The following TIMM21 variants were observed in gnomAD, a reference collection of about 807,000 sequenced individuals.
TIMM21 encodes translocase of inner mitochondrial membrane 21, also known as mitochondrial import inner membrane translocase subunit Tim21.
In TIMM21, 30 loss-of-function variants were observed where a neutral mutation model predicts 27.7. The observed-to-expected ratio is 1.08, with a 90% CI of 0.81 to 1.47. TIMM21 has a LOEUF of 1.47. TIMM21 is among the 40% of genes most tolerant of loss of function. TIMM21 has a pLI of 0.00. For missense variants in TIMM21, 292 were observed against 302.9 expected, an observed-to-expected ratio of 0.96 and a Z score of 0.27; for synonymous variants, 121 against 114.4, an observed-to-expected ratio of 1.06 and a Z score of -0.37.
rs1214552007 is a variant in TIMM21 at position 74,159,409 on chromosome 18, T to G, written c.*929T>G. 3 of 152,176 alleles carry G rather than the reference T, an allele frequency of 2.0e-5. No individual in the cohort carries two copies. The highest frequency in any genetic ancestry group is 7.2e-5 in the African/African-American group (3 of 41,442). The allele number at this position is 152,176 out of a possible 1,614,324, so 9.4% of individuals were successfully genotyped here. On this transcript the variant is annotated 3_prime_UTR_variant, in exon 6 of 6. Transcript: ENST00000169551. ...AGTGCTATGTGCATTGGGAGGGGTC[T>G]AGAACCATGTTTATCTGCGGTGGCT...
Position 74,148,896 on chromosome 18 carries a change from C to G in TIMM21, c.88C>G (p.Leu30Val). The change falls in exon 1 of 6, where the codon CTT becomes GTT. Residue 30 changes from leucine to valine, a missense_variant. Transcript: ENST00000169551. ...GCGATTGCTTTTGCCATACATCGTGCTTAACAAAGCGTGCTTGAAGACTGA... is the reference window on the plus strand; with the variant it reads ...GCGATTGCTTTTGCCATACATCGTGGTTAACAAAGCGTGCTTGAAGACTGA... ...AKRLLLPYIV[L>V]NKACLKTEPS... The G allele has an allele frequency of 1.9e-6, 3 of 1,614,186 alleles. No homozygotes were observed. The highest frequency in any genetic ancestry group is 1.7e-6 in the Non-Finnish European group (2 of 1,180,028).
chr18:74,154,007 G>A (rs1474026255), intron 1 of TIMM21, among the ~76,000 whole-genome samples: 4 of 152,180 alleles, frequency 2.6e-5, no homozygotes, highest in African/African-American at 9.7e-5. Context: ...TTAAGGTAGT[G>A]TAACTGTAAT....
At chr18:74,157,972 T>A in intron 3 of TIMM21, 42 bp from the exon 4 acceptor site, 4 of 1,597,472 alleles carry the variant, frequency 2.5e-6, no homozygotes, top group Non-Finnish European at 3.4e-6. Flanking sequence ...TTTAGAAGCT[T>A]AAAAAAATAA....
rs1349444189 is a variant in TIMM21 at position 74,158,198 on chromosome 18, GAA to G, written c.566_567del (p.Lys189ThrfsTer9). The G allele has an allele frequency of 1.2e-6, 2 of 1,614,034 alleles. No homozygotes were observed. Among genetic ancestry groups the G allele is most frequent in the African/African-American group, 2.7e-5 (2 of 74,918 alleles). ...RFTEYVKDGL[K>X]HTCVKFYIEG... ...TCACTGAATATGTAAAAGATGGGCT[GAA>G]ACACACGTGTGTGAAATTCTACATT... On this transcript the variant is annotated frameshift_variant, in exon 5 of 6. Transcript: ENST00000169551. LOFTEE classifies it high-confidence loss of function.
chr18:74,155,512 A>G (rs1979928392), intron 3 of TIMM21, 109 bp downstream of exon 3: 1 of 819,442 alleles, frequency 1.2e-6, no homozygotes, highest in African/African-American at 1.7e-5. Flanking sequence ...TGAAATTCAC[A>G]TAATAATACA....
At chr18:74,151,743 A>G (rs961586373) in intron 1 of TIMM21, among the ~76,000 whole-genome samples, 1 of 152,042 alleles carries the variant, frequency 6.6e-6, no homozygotes, top group Non-Finnish European at 1.5e-5. Context: ...CTGTTCTGTC[A>G]CTTTTACTTA....
intron 1 of TIMM21, among the ~76,000 whole-genome samples, chr18:74,150,095 G>A (rs760153262): frequency 2.0e-5 from 3 of 152,180 alleles, no homozygotes; most frequent in African/African-American, 7.2e-5. Flanking sequence ...GTAGCCCCAC[G>A]AGGTCGGCTC....
chr18:74,151,742 C>T (rs1302161638), intron 1 of TIMM21, among the ~76,000 whole-genome samples: 1 of 152,164 alleles, frequency 6.6e-6, no homozygotes, highest in African/African-American at 2.4e-5. Context: ...GCTGTTCTGT[C>T]ACTTTTACTT....
rs1555682319 is a variant in TIMM21, at chr18:74,151,945, C to CCCT, written c.301+2838_301+2839insTCC. ...AGCAGTGGTGTCTATGTTCCCCCCC[C>CCCT]CCCCGGGGGGACCTCCAGCTCCTTC... On this transcript the variant is annotated intron_variant, in intron 1 of 5. Coordinates refer to ENST00000169551, the MANE Select transcript of TIMM21 (RefSeq NM_014177.3). Among the ~76,000 whole-genome samples, 275 of 145,340 alleles carry CCCT rather than the reference C, an allele frequency of 1.9e-3. 23 individuals are homozygous for CCCT. Among genetic ancestry groups the CCCT allele is most frequent in the African/African-American group, 7.1e-3 (264 of 37,146 alleles).
chr18:74,156,319 C>T (rs552943190), intron 3 of TIMM21: 36 of 398,664 alleles, frequency 9.0e-5, no homozygotes, highest in South Asian at 6.4e-4. Context: ...CAATCCACAG[C>T]GTGCTCAGTA....
chr18:74,151,988 A>C (rs1599208248), intron 1 of TIMM21, among the ~76,000 whole-genome samples: 1 of 128,804 alleles, frequency 7.8e-6, no homozygotes, highest in African/African-American at 3.2e-5. Flanking sequence ...TGTTCTTCTC[A>C]CCCTTCTCAT....
chr18:74,158,730 T>C lies in TIMM21; in HGVS notation c.*250T>C, dbSNP rs961809276. The stretch of plus-strand genomic sequence containing the variant: ...TCTGCTTTAACACCATCTTTCATGA[T>C]TAGAAATGTTTGTTATTGGAAATGT... On this transcript the variant is annotated 3_prime_UTR_variant, in exon 6 of 6. Coordinates refer to ENST00000169551, the MANE Select transcript of TIMM21 (RefSeq NM_014177.3). The C allele has an allele frequency of 8.1e-6, 3 of 370,252 alleles. No individual in the cohort carries two copies. The highest frequency in any genetic ancestry group is 1.5e-5 in the Non-Finnish European group (3 of 204,388). The allele number at this position is 370,252 out of a possible 1,614,324, so 22.9% of individuals were successfully genotyped here.
At position 74,158,038 on chromosome 18, in the gene TIMM21, G is replaced by A. The variant is rs1193634055; in HGVS notation, c.487G>A (p.Val163Ile). The change falls in exon 4 of 6, where the codon GTT (valine) becomes ATT (isoleucine). Residue 163 changes from valine (V) to isoleucine (I), a missense_variant. Physicochemically the swap from Val to Ile is conservative, Grantham distance 29. Coordinates refer to ENST00000169551, the MANE Select transcript of TIMM21 (RefSeq NM_014177.3). The stretch of plus-strand genomic sequence containing the variant: ...GGTGATCGGTGTCTTTGGTGAGTCT[G>A]TTAAAGGCTATGGGGAGGTGACAAG... ...PEVIGVFGES[V>I]KGYGEVTRRG... The A allele has an allele frequency of 6.2e-7, 1 of 1,614,214 alleles. No individual in the cohort carries two copies. Among genetic ancestry groups the A allele is most frequent in the South Asian group, 1.1e-5 (1 of 91,082 alleles).
intron 3 of TIMM21, 109 bp downstream of exon 3, chr18:74,155,512 A>C: frequency 1.2e-6 from 1 of 819,560 alleles, no homozygotes; most frequent in South Asian, 1.8e-5. Flanking sequence ...TGAAATTCAC[A>C]TAATAATACA....
intron 3 of TIMM21, chr18:74,156,989 C>A (rs1979968509): frequency 6.6e-6 from 1 of 152,134 alleles, no homozygotes; most frequent in East Asian, 1.9e-4. Flanking sequence ...TATCATCTTA[C>A]ATATTACTTC....
intron 1 of TIMM21, among the ~76,000 whole-genome samples, chr18:74,151,942 C>CCCCCG (rs1979817346): frequency 6.9e-6 from 1 of 145,076 alleles, no homozygotes; most frequent in African/African-American, 2.8e-5. Context: ...TATGTTCCCC[C>CCCCCG]CCCCCCCGGG....
intron 1 of TIMM21, among the ~76,000 whole-genome samples, chr18:74,150,865 T>C (rs954116001): frequency 3.3e-5 from 5 of 152,208 alleles, no homozygotes; most frequent in African/African-American, 1.2e-4. Context: ...AGATGTGATA[T>C]CATTTTTAAT....
Position 74,148,547 on chromosome 18 carries a change from G to A in TIMM21, c.-262G>A. ...CAGGTGACTTTGCGAAGGCATGGCG[G>A]GGACACTGTGAATGTCAGCCCAGAA... On this transcript the variant is annotated 5_prime_UTR_variant, in exon 1 of 6. Transcript: ENST00000169551. 1 of 344,798 alleles carries A rather than the reference G, an allele frequency of 2.9e-6. No individual in the cohort carries two copies. Among genetic ancestry groups the A allele is most frequent in the Non-Finnish European group, 5.3e-6 (1 of 187,684 alleles). The allele number at this position is 344,798 out of a possible 1,614,324, so 21.4% of individuals were successfully genotyped here.
rs1727105093 is a variant in TIMM21 at position 74,152,598 on chromosome 18, G to C, written c.302-2547G>C. ...TGAGAGCTGCATCAGCTGCACTACA[G>C]CTCTATGACAGGTGCTGTCAGTACC... On this transcript the variant is annotated intron_variant, in intron 1 of 5. Transcript: ENST00000169551. The surrounding 1 kb of genome is among the most constrained non-coding windows in gnomAD (Gnocchi z 4.1). Among the ~76,000 whole-genome samples the C allele has an allele frequency of 6.6e-6, 1 of 152,182 alleles. No homozygotes were observed. Among genetic ancestry groups the C allele is most frequent in the African/African-American group, 2.4e-5 (1 of 41,438 alleles).
Sources: gnomAD v4.1 joint callset for allele counts (sites outside exome capture counted in the v4.1 genomes callset) on GRCh38, gnomAD v4.1.1 for gene constraint, Gnocchi (gnomAD v3.1) non-coding constraint, MANE v1.5 for transcripts, NCBI Gene and HGNC (gene_info 2026-07-23, HGNC 2026-07-21) for gene names.